Variants in SLC2A5 observed in about 807,000 individuals in gnomAD.
SLC2A5 encodes the protein solute carrier family 2, facilitated glucose transporter member 5.
SLC2A5 carries 56 observed loss-of-function variants against 50.3 expected under a neutral mutation model. The observed-to-expected ratio is 1.11, with a 90% CI of 0.90 to 1.39. The LOEUF is 1.39. Among genes scored for constraint, SLC2A5 ranks in the 40% most tolerant of loss-of-function variants. The pLI is 0.00. For synonymous variants in SLC2A5, 269 were observed against 281.9 expected (o/e 0.95, Z 0.46); for missense variants, 566 against 650.1 (o/e 0.87, Z 1.41).
chr1:9,090,555 G>A (rs116775705), upstream of SLC2A5, among the ~76,000 whole-genome samples: 3,292 of 152,254 alleles, frequency 0.022, 112 homozygotes, highest in African/African-American at 0.073. Context: ...AATCAACTCC[G>A]CTTTTGTTCC....
chr1:9,087,350 A>G (rs1488055244), intron 1 of SLC2A5, among the ~76,000 whole-genome samples: 1 of 151,658 alleles, frequency 6.6e-6, no homozygotes, highest in African/African-American at 2.4e-5. Flanking sequence ...GACTACAGGC[A>G]CCCACCACCA....
chr1:9,082,047 A>T (rs563110353), intron 2 of SLC2A5, among the ~76,000 whole-genome samples: 4 of 152,138 alleles, frequency 2.6e-5, no homozygotes, highest in Non-Finnish European at 5.9e-5. Flanking sequence ...GCACCACTGC[A>T]CCCCAGCCTG....
At chr1:9,062,574 T>C (rs114085859) in intron 1 of SLC2A5, among the ~76,000 whole-genome samples, 2 of 152,082 alleles carry the variant, frequency 1.3e-5, no homozygotes, top group African/African-American at 4.8e-5. Flanking sequence ...ATTTGAACTT[T>C]AAAAAAATTA....
At chr1:9,061,988 CT>C (rs1354736033) in intron 1 of SLC2A5, among the ~76,000 whole-genome samples, 1 of 152,226 alleles carries the variant, frequency 6.6e-6, no homozygotes, top group Non-Finnish European at 1.5e-5. Context: ...ACCCTCCATT[CT>C]TTCACTGCCT....
At chr1:9,052,559 T>C (rs538436802) in intron 3 of SLC2A5, among the ~76,000 whole-genome samples, 68 of 152,250 alleles carry the variant, frequency 4.5e-4, no homozygotes, top group African/African-American at 1.4e-3. Flanking sequence ...GAACCTTGGG[T>C]GATGATATAT....
Position 9,040,977 on chromosome 1 carries a change from CA to C in SLC2A5, c.572-789del, listed in dbSNP as rs1335121862. On this transcript the variant is annotated intron_variant, in intron 5 of 11. Coordinates refer to ENST00000377424, the MANE Select transcript of SLC2A5 (RefSeq NM_003039.3). This position sits in a 1 kb window ranked among gnomAD's most constrained non-coding sequence, Gnocchi z 4.3. Reference sequence around the variant, plus strand: ...TTCCAATCTCTCTGTACCTGTGATGCACCTGCAAAATGGGTATGATACTGGT... The same window carrying C: ...TTCCAATCTCTCTGTACCTGTGATGCCCTGCAAAATGGGTATGATACTGGT... The C allele has an allele frequency of 6.3e-6, 1 of 158,640 alleles. No homozygotes were observed. The highest frequency in any genetic ancestry group is 2.4e-5 in the African/African-American group (1 of 41,756). 9.8% of individuals were successfully genotyped at this position (158,640 alleles called of 1,614,324 possible).
chr1:9,053,481 T>A (rs1229476854), intron 3 of SLC2A5, among the ~76,000 whole-genome samples: 41 of 67,274 alleles, frequency 6.1e-4, no homozygotes, highest in Middle Eastern at 4.5e-3. Flanking sequence ...TTTATATATA[T>A]TATATATTTA....
chr1:9,047,529 ATTGGTT>A, intron 4 of SLC2A5, 75 bp downstream of exon 4: 2 of 1,454,182 alleles, frequency 1.4e-6, no homozygotes, highest in Non-Finnish European at 1.9e-6. Flanking sequence ...GACATCACAG[ATTGGTT>A]CTAGTCCCTG....
intron 3 of SLC2A5, among the ~76,000 whole-genome samples, chr1:9,057,053 G>T (rs1641773003): frequency 6.6e-6 from 1 of 152,102 alleles, no homozygotes; most frequent in African/African-American, 2.4e-5. Flanking sequence ...GCACTCTGGG[G>T]GGCTGAGGCG....
At chr1:9,065,950 A>G (rs1200073269) in intron 1 of SLC2A5, among the ~76,000 whole-genome samples, 1 of 152,190 alleles carries the variant, frequency 6.6e-6, no homozygotes, top group Non-Finnish European at 1.5e-5. Context: ...CCTCAAAAAA[A>G]AAATTTTTTT....
chr1:9,087,094 T>C (rs2124487861), intron 1 of SLC2A5, among the ~76,000 whole-genome samples: 1 of 152,310 alleles, frequency 6.6e-6, no homozygotes, highest in South Asian at 2.1e-4. Context: ...CTTAGGTCTG[T>C]AAGAGAGAAG....
intron 1 of SLC2A5, among the ~76,000 whole-genome samples, chr1:9,061,414 G>T: frequency 1.1e-5 from 1 of 93,210 alleles, no homozygotes; most frequent in Non-Finnish European, 2.3e-5. Flanking sequence ...ACCAGATTGG[G>T]CAACATAGGG....
chr1:9,037,400 C>A lies in SLC2A5; in HGVS notation c.*186G>T. The A allele has an allele frequency of 1.7e-6, 1 of 586,062 alleles. No individual in the cohort carries two copies. Among genetic ancestry groups the A allele is most frequent in the Non-Finnish European group, 3.0e-6 (1 of 330,098 alleles). The allele number at this position is 586,062 out of a possible 1,614,324, so 36.3% of individuals were successfully genotyped here. On this transcript the variant is annotated 3_prime_UTR_variant, in exon 12 of 12. Transcript: ENST00000377424. ...CAGGCCAACATGGAGAGAGACAGCC[C>A]AGCTTCAAGAACAGCAAGGCAGCCC...
chr1:9,093,686 T>C, the SLC2A5 span, among the ~76,000 whole-genome samples: 32 of 152,288 alleles, frequency 2.1e-4, no homozygotes, highest in African/African-American at 7.7e-4. Flanking sequence ...ACCTCACCAA[T>C]ACAACCACTC....
intron 1 of SLC2A5, among the ~76,000 whole-genome samples, chr1:9,085,715 C>T (rs1352324843): frequency 6.6e-6 from 1 of 152,108 alleles, no homozygotes; most frequent in Non-Finnish European, 1.5e-5. Flanking sequence ...GTCGGGAGGG[C>T]GGCTTAGAAT....
Position 9,041,829 on chromosome 1 carries a change from AC to A in SLC2A5, c.526del (p.Val176TrpfsTer14). On this transcript the variant is annotated frameshift_variant, in exon 5 of 12. Coordinates refer to ENST00000377424, the MANE Select transcript of SLC2A5 (RefSeq NM_003039.3). LOFTEE classifies it high-confidence loss of function. The stretch of plus-strand genomic sequence containing the variant: ...ATTCCGAAGACCAAAGATCTGGGCC[AC>A]AAGGATGCCAACAGTGATGAAGAGC... ...PQLFITVGIL[V>X]AQIFGLRNLL... is the part of the protein sequence containing the mutation. 2 of 1,614,114 alleles carry A rather than the reference AC, an allele frequency of 1.2e-6. No homozygotes were observed. The highest frequency in any genetic ancestry group is 2.2e-5 in the South Asian group (2 of 91,082).
chr1:9,060,014 TACAC>T (rs747229670), intron 1 of SLC2A5, among the ~76,000 whole-genome samples: 1 of 94,926 alleles, frequency 1.1e-5, no homozygotes, highest in African/African-American at 5.4e-5. Context: ...ACACACACAC[TACAC>T]ACACACACTA....
intron 3 of SLC2A5, among the ~76,000 whole-genome samples, chr1:9,055,503 C>T (rs976213458): frequency 4.0e-5 from 6 of 151,704 alleles, no homozygotes; most frequent in Non-Finnish European, 5.9e-5. Flanking sequence ...GGTGACAGGG[C>T]GAGACTCCAT....
chr1:9,046,791 A>G (rs1641446986), intron 4 of SLC2A5, among the ~76,000 whole-genome samples: 1 of 151,794 alleles, frequency 6.6e-6, no homozygotes, highest in South Asian at 2.1e-4. Flanking sequence ...ATATTTATTT[A>G]TCTTTGAGAT....
Sources: allele counts gnomAD v4.1 joint callset (sites outside exome capture counted in the v4.1 genomes callset), GRCh38; gene constraint gnomAD v4.1.1; non-coding constraint Gnocchi (gnomAD v3.1); transcripts MANE v1.5; gene names NCBI Gene and HGNC (gene_info 2026-07-23, HGNC 2026-07-21).